UPB1: variants seen among roughly 807,000 people sequenced by gnomAD.
UPB1 encodes beta-ureidopropionase.
In UPB1, 40 loss-of-function variants were observed where a neutral mutation model predicts 49.1. That is an observed-to-expected ratio of 0.81 (90% CI 0.63 to 1.06). UPB1 has a LOEUF of 1.06. Among genes scored for constraint, UPB1 ranks in the 50% least tolerant of loss-of-function variants. The pLI, the probability that UPB1 is intolerant of heterozygous loss-of-function variation, is 0.00. For synonymous variants in UPB1, 207 were observed against 198.2 expected, an observed-to-expected ratio of 1.04 and a Z score of -0.38; for missense variants, 499 against 505.9, an observed-to-expected ratio of 0.99 and a Z score of 0.13.
intron 5 of UPB1, among the ~76,000 whole-genome samples, 198 bp from the exon 6 acceptor site, chr22:24,515,003 T>G (rs934112632): frequency 2.6e-5 from 4 of 152,168 alleles, no homozygotes; most frequent in African/African-American, 9.7e-5. Context: ...CCACTGTGAT[T>G]TCCCCCGGGG....
At chr22:24,523,597 G>A (rs1012545068) in intron 8 of UPB1, 22 bp from the exon 9 acceptor site, 2 of 1,614,116 alleles carry the variant, frequency 1.2e-6, no homozygotes, top group Non-Finnish European at 1.7e-6. Flanking sequence ...GCTCACAGAT[G>A]TGTTTCTTTG....
At chr22:24,495,687 C>T (rs2043857894) in intron 1 of UPB1, among the ~76,000 whole-genome samples, 180 bp downstream of exon 1, 1 of 152,082 alleles carries the variant, frequency 6.6e-6, no homozygotes, top group Non-Finnish European at 1.5e-5. Context: ...TTGGGGGTTG[C>T]AGAATCCTGG....
At chr22:24,521,920 T>C (rs1336234856) in intron 7 of UPB1, 66 bp from the exon 8 acceptor site, 3 of 1,540,084 alleles carry the variant, frequency 1.9e-6, no homozygotes, top group Non-Finnish European at 2.7e-6. Context: ...TCTGGCTGAG[T>C]GAGCTGGAAT....
At chr22:24,518,192 G>A (rs1289956735) in intron 6 of UPB1, 1 of 152,100 alleles carries the variant, frequency 6.6e-6, no homozygotes, top group Non-Finnish European at 1.5e-5. Context: ...TGCATGTGAA[G>A]GTGCTCACAA....
intron 3 of UPB1, chr22:24,502,542 T>C (rs767541739): frequency 1.3e-6 from 1 of 779,302 alleles, no homozygotes. Flanking sequence ...GACCAGGACT[T>C]CTTTACCTTC....
At chr22:24,507,315 G>A (rs139225143) in intron 3 of UPB1, among the ~76,000 whole-genome samples, 1,522 of 152,198 alleles carry the variant, frequency 0.01, 10 homozygotes, top group Non-Finnish European at 0.014. Flanking sequence ...CCTTGAGCCT[G>A]CTACCAAGGC....
intron 1 of UPB1, among the ~76,000 whole-genome samples, chr22:24,497,021 C>T (rs143521122): frequency 3.3e-5 from 5 of 152,228 alleles, no homozygotes; most frequent in African/African-American, 1.2e-4. Context: ...AACACTGTCC[C>T]TCTTTCTCTT....
At chr22:24,520,794 T>A (rs1042191000) in intron 7 of UPB1, among the ~76,000 whole-genome samples, 2 of 152,176 alleles carry the variant, frequency 1.3e-5, no homozygotes, top group African/African-American at 2.4e-5. Context: ...TCATCCTTAT[T>A]AATCAGATAG....
intron 2 of UPB1, 107 bp from the exon 3 acceptor site, chr22:24,502,019 A>G: frequency 8.7e-7 from 1 of 1,144,748 alleles, no homozygotes; most frequent in African/African-American, 1.5e-5. Flanking sequence ...CCTACTCCTC[A>G]TACCTGCCCA....
In UPB1 at chr22:24,514,922, T is replaced by G. The variant is rs529654016; in HGVS notation, c.622-279T>G. On this transcript the variant is annotated intron_variant, in intron 5 of 9. Coordinates refer to ENST00000326010, the MANE Select transcript of UPB1 (RefSeq NM_016327.3). ...CCATAATTGAAACCTCACCAGAGTT[T>G]GAAATAGTGTGGAACGTCATTGTGG... Among the ~76,000 whole-genome samples the G allele has an allele frequency of 2.4e-4, 37 of 152,278 alleles. No individual in the cohort carries two copies. In the South Asian group the frequency reaches 6.4e-3, roughly 26 times the overall value.
At position 24,508,272 on chromosome 22, in the gene UPB1, C is replaced by T. The variant is rs184734433; in HGVS notation, c.365-2477C>T. Reference sequence around the variant, plus strand: ...GGCTAATCCCTCTAAAAGTAATGGACTTGGGGCCAGATGTGGTGGCTCACG... The same window carrying T: ...GGCTAATCCCTCTAAAAGTAATGGATTTGGGGCCAGATGTGGTGGCTCACG... On this transcript the variant is annotated intron_variant, in intron 3 of 9. Coordinates refer to ENST00000326010, the MANE Select transcript of UPB1 (RefSeq NM_016327.3). Among the ~76,000 whole-genome samples, 85 of 152,082 alleles carry T rather than the reference C, an allele frequency of 5.6e-4. 1 individual carries two copies. Among genetic ancestry groups the T allele is most frequent in the African/African-American group, 2.0e-3 (81 of 41,518 alleles).
chr22:24,517,383 A>G (rs1182227038), intron 6 of UPB1, among the ~76,000 whole-genome samples: 3 of 152,240 alleles, frequency 2.0e-5, no homozygotes, highest in Non-Finnish European at 4.4e-5. Flanking sequence ...AGGCCTGGGC[A>G]GAACTTTGGG....
At position 24,525,892 on chromosome 22, in the gene UPB1, A is replaced by G; in HGVS notation, c.*98A>G. The G allele has an allele frequency of 1.3e-6, 2 of 1,493,784 alleles. No individual in the cohort carries two copies. The highest frequency in any genetic ancestry group is 4.5e-5 in the East Asian group (2 of 44,076). The allele number at this position is 1,493,784 out of a possible 1,614,324, so 92.5% of individuals were successfully genotyped here. A position where few individuals can be genotyped will look rare whatever the true frequency, so the allele number is the denominator to read the frequency against. ...ACATGTCCAGGTTCTCCCCAATAAC[A>G]TTGTCCAGGTTGGTTTTAAAATTCC... On this transcript the variant is annotated 3_prime_UTR_variant, in exon 10 of 10. Transcript: ENST00000326010.
At chr22:24,512,557 A>G (rs1442354327) in intron 4 of UPB1, among the ~76,000 whole-genome samples, 1 of 152,236 alleles carries the variant, frequency 6.6e-6, no homozygotes, top group Admixed American at 6.5e-5. Flanking sequence ...AAATATACAT[A>G]TAAAATGTAC....
rs532270031 is a variant in UPB1, at chr22:24,514,030, TG to T, written c.621+552del. On this transcript the variant is annotated intron_variant, in intron 5 of 9. Transcript: ENST00000326010. ...ATGTGCCCATGATCAGGGCATAAGT[TG>T]GGGGGGCCATTTTGGTTGGTTAATG... Among the ~76,000 whole-genome samples, 66 of 152,144 alleles carry T rather than the reference TG, an allele frequency of 4.3e-4. 1 individual carries two copies. In the South Asian group the frequency reaches 5.2e-3, roughly 12 times the overall value.
At chr22:24,495,589 G>A (rs2043855548) in intron 1 of UPB1, 82 bp downstream of exon 1, 2 of 1,478,198 alleles carry the variant, frequency 1.4e-6, no homozygotes, top group Admixed American at 1.7e-5. Flanking sequence ...AGGGCCTCAG[G>A]GTCTGAAGGG....
chr22:24,497,602 C>T (rs896606641), intron 1 of UPB1, among the ~76,000 whole-genome samples: 1 of 152,084 alleles, frequency 6.6e-6, no homozygotes, highest in Admixed American at 6.5e-5. Flanking sequence ...AAGGGAAGCC[C>T]TGAGTGGGGA....
At chr22:24,510,698 C>T in intron 3 of UPB1, 51 bp from the exon 4 acceptor site, 1 of 1,588,308 alleles carries the variant, frequency 6.3e-7, no homozygotes, top group Non-Finnish European at 8.6e-7. Context: ...AGGAGCCCCC[C>T]TCAGAGGCTG....
chr22:24,513,288 A>G (rs776418360), intron 4 of UPB1, 36 bp from the exon 5 acceptor site: 3 of 1,614,146 alleles, frequency 1.9e-6, no homozygotes, highest in Non-Finnish European at 2.5e-6. Flanking sequence ...CAATTGGTTT[A>G]TAAGTGGGAC....
Sources: allele counts gnomAD v4.1 joint callset (sites outside exome capture counted in the v4.1 genomes callset), GRCh38; gene constraint gnomAD v4.1.1; transcripts MANE v1.5; gene names NCBI Gene and HGNC (gene_info 2026-07-23, HGNC 2026-07-21).